SLX4IP: variants seen among roughly 807,000 people sequenced by gnomAD.
SLX4IP encodes the protein SLX4 interacting protein, also known as protein SLX4IP.
A neutral mutation model predicts 32.9 loss-of-function variants in SLX4IP; 34 were observed. The observed-to-expected ratio is 1.03, with a 90% CI of 0.79 to 1.38. The LOEUF (loss-of-function observed/expected upper bound fraction) is 1.38, where lower values mean the gene tolerates loss of function less well. SLX4IP is among the 40% of genes most tolerant of loss of function. SLX4IP has a pLI of 0.00. For missense variants in SLX4IP, 444 were observed against 479.0 expected, an observed-to-expected ratio of 0.93 and a Z score of 0.68; for synonymous variants, 172 against 171.7, an observed-to-expected ratio of 1.00 and a Z score of -0.01.
At chr20:10,484,610 C>T (rs2065556143) in intron 2 of SLX4IP, among the ~76,000 whole-genome samples, 1 of 152,104 alleles carries the variant, frequency 6.6e-6, no homozygotes, top group African/African-American at 2.4e-5. Context: ...ATTCGTTTCA[C>T]ATCTCCAGTT....
chr20:10,534,142 G>C (rs2066016005), intron 2 of SLX4IP, among the ~76,000 whole-genome samples: 1 of 152,114 alleles, frequency 6.6e-6, no homozygotes, highest in Non-Finnish European at 1.5e-5. Flanking sequence ...TGCCTTGTGG[G>C]TAGGGGTAAA....
At chr20:10,521,931 G>A (rs1486548896) in intron 2 of SLX4IP, among the ~76,000 whole-genome samples, 3 of 152,184 alleles carry the variant, frequency 2.0e-5, no homozygotes, top group South Asian at 4.1e-4. Flanking sequence ...GTGGGGAAAT[G>A]ACTTTTAAAA....
At position 10,458,032 on chromosome 20, in the gene SLX4IP, T is replaced by A. The variant is rs2065302001; in HGVS notation, c.-29-144T>A. 1.8e-5 allele frequency: 8 copies of A among 455,404 alleles called. No homozygotes were observed. In the South Asian group the frequency reaches 3.1e-4, roughly 18 times the overall value. 28.2% of individuals were successfully genotyped at this position (455,404 alleles called of 1,614,324 possible). A position where few individuals can be genotyped will look rare whatever the true frequency, so the allele number is the denominator to read the frequency against. On this transcript the variant is annotated intron_variant, in intron 1 of 7. Coordinates refer to ENST00000334534, the MANE Select transcript of SLX4IP (RefSeq NM_001009608.3). ...CTTAAATTACTAATTTAATATAGTA[T>A]TTTGGTTAAGGGCAATTATAAGTGA...
In SLX4IP at chr20:10,535,138, C is replaced by A. The variant is rs147498511; in HGVS notation, c.28-21093C>A. The stretch of plus-strand genomic sequence containing the variant: ...GTTGCAGGAGAGAGACCAGGGAAGA[C>A]GGTTGCAGAAGGCCAGGCTGGAGCA... On this transcript the variant is annotated intron_variant, in intron 2 of 7. Transcript: ENST00000334534. Among the ~76,000 whole-genome samples the A allele has an allele frequency of 2.7e-3, 410 of 152,100 alleles. 2 individuals carry two copies. Among genetic ancestry groups the A allele is most frequent in the Middle Eastern group, 6.8e-3 (2 of 294 alleles).
chr20:10,601,510 G>T (rs1452647366), intron 5 of SLX4IP, among the ~76,000 whole-genome samples: 1 of 152,168 alleles, frequency 6.6e-6, no homozygotes, highest in African/African-American at 2.4e-5. Context: ...GTCCCGGGGC[G>T]CAGGTGGACC....
intron 2 of SLX4IP, among the ~76,000 whole-genome samples, chr20:10,477,006 T>C (rs2065480177): frequency 6.6e-6 from 1 of 152,222 alleles, no homozygotes; most frequent in Non-Finnish European, 1.5e-5. Flanking sequence ...CTTCCTTCAG[T>C]CTTCAGTTTA....
At chr20:10,514,798 CT>C (rs1386078076) in intron 2 of SLX4IP, among the ~76,000 whole-genome samples, 2 of 152,114 alleles carry the variant, frequency 1.3e-5, no homozygotes, top group Non-Finnish European at 2.9e-5. Context: ...TAATGTAGTG[CT>C]TTGTACATTT....
intron 2 of SLX4IP, among the ~76,000 whole-genome samples, chr20:10,523,941 G>C (rs913212861): frequency 1.3e-5 from 2 of 152,242 alleles, no homozygotes; most frequent in Non-Finnish European, 2.9e-5. Flanking sequence ...TGAATTGGTA[G>C]GAGGAGGCAG....
At chr20:10,490,466 AC>A (rs1451516761) in intron 2 of SLX4IP, among the ~76,000 whole-genome samples, 3 of 151,146 alleles carry the variant, frequency 2.0e-5, no homozygotes, top group Non-Finnish European at 4.4e-5. Context: ...ATCCCCTCCC[AC>A]CCCCTGCTTT....
chr20:10,561,667 C>T (rs2066334237), intron 4 of SLX4IP, among the ~76,000 whole-genome samples: 1 of 151,854 alleles, frequency 6.6e-6, no homozygotes, highest in African/African-American at 2.4e-5. Context: ...TCACTCCCTT[C>T]CCCACCTTTC....
chr20:10,470,275 G>A (rs1056547599), intron 2 of SLX4IP, among the ~76,000 whole-genome samples: 4 of 152,160 alleles, frequency 2.6e-5, no homozygotes, highest in Non-Finnish European at 5.9e-5. Flanking sequence ...TGAGGGATGG[G>A]GTAGCGATTG....
intron 2 of SLX4IP, among the ~76,000 whole-genome samples, chr20:10,526,683 G>C (rs144293778): frequency 1.1e-3 from 165 of 152,270 alleles, no homozygotes; most frequent in Middle Eastern, 6.8e-3. Flanking sequence ...GGGCACGGTG[G>C]CTCATGCCTG....
At chr20:10,445,881 C>G (rs1168542640) in intron 1 of SLX4IP, among the ~76,000 whole-genome samples, 1 of 150,458 alleles carries the variant, frequency 6.6e-6, no homozygotes, top group Non-Finnish European at 1.5e-5. Flanking sequence ...CCTACTTGGC[C>G]TCTGAAACTG....
chr20:10,600,111 TA>T (rs1405494041), intron 5 of SLX4IP, among the ~76,000 whole-genome samples: 1 of 152,124 alleles, frequency 6.6e-6, no homozygotes, highest in Non-Finnish European at 1.5e-5. Context: ...CATAAAATGA[TA>T]AAAAGGCTAT....
chr20:10,544,285 T>A (rs1255728874), intron 2 of SLX4IP, among the ~76,000 whole-genome samples: 1 of 152,178 alleles, frequency 6.6e-6, no homozygotes, highest in Non-Finnish European at 1.5e-5. Context: ...ATTTTCATCA[T>A]CTTTATCATC....
At chr20:10,471,439 TG>T (rs2065424186) in intron 2 of SLX4IP, among the ~76,000 whole-genome samples, 1 of 152,222 alleles carries the variant, frequency 6.6e-6, no homozygotes, top group Admixed American at 6.5e-5. Flanking sequence ...CCAGCATAGC[TG>T]GGTTATGACC....
intron 1 of SLX4IP, among the ~76,000 whole-genome samples, chr20:10,449,968 C>G (rs2065229110): frequency 6.6e-6 from 1 of 150,730 alleles, no homozygotes; most frequent in Admixed American, 6.6e-5. Context: ...AAAAAACCCA[C>G]AAAAACAAAA....
intron 4 of SLX4IP, among the ~76,000 whole-genome samples, chr20:10,585,348 C>T (rs1412606008): frequency 1.3e-5 from 2 of 152,200 alleles, no homozygotes; most frequent in African/African-American, 4.8e-5. Flanking sequence ...TGGCCTTCTT[C>T]TGATCTAACT....
chr20:10,477,960 G>A (rs1600911556), intron 2 of SLX4IP, among the ~76,000 whole-genome samples: 1 of 149,964 alleles, frequency 6.7e-6, no homozygotes, highest in Admixed American at 6.7e-5. Flanking sequence ...TGGGAGTGGC[G>A]TGATCTTGGC....
Sources: gnomAD v4.1 joint callset for allele counts (sites outside exome capture counted in the v4.1 genomes callset) on GRCh38, gnomAD v4.1.1 for gene constraint, MANE v1.5 for transcripts, NCBI Gene and HGNC (gene_info 2026-07-23, HGNC 2026-07-21) for gene names.